Variants in AFF2 observed in about 807,000 individuals in gnomAD.
The protein encoded by AFF2 is ALF transcription elongation factor 2.
In AFF2, 14 loss-of-function variants were observed where a neutral mutation model predicts 76.9. The observed-to-expected ratio is 0.18, with a 90% CI of 0.12 to 0.28. The LOEUF is 0.28. Ranked by LOEUF, AFF2 falls within the 10% of genes least tolerant of loss-of-function variation. The probability of loss-of-function intolerance (pLI) is 1.00; values close to 1 mark genes in which losing one functional copy is unlikely to be tolerated. For missense variants in AFF2, 868 were observed against 1,001.1 expected, an observed-to-expected ratio of 0.87 and a Z score of 1.79; for synonymous variants, 398 against 366.7, an observed-to-expected ratio of 1.09 and a Z score of -0.98.
At chrX:148,673,003 T>G (rs2054441876) in intron 3 of AFF2, among the ~76,000 whole-genome samples, 1 of 111,483 alleles carries the variant, frequency 9.0e-6, no homozygotes, top group Non-Finnish European at 1.9e-5. Context: ...GAAAAATAGA[T>G]TAATTTAAAA....
chrX:148,565,694 T>C (rs2053161892), intron 1 of AFF2, among the ~76,000 whole-genome samples: 1 of 111,554 alleles, frequency 9.0e-6, no homozygotes, highest in Non-Finnish European at 1.9e-5. Flanking sequence ...CAATTATTTT[T>C]GTTTCATTGA....
intron 4 of AFF2, among the ~76,000 whole-genome samples, chrX:148,820,701 T>C (rs1411952719): frequency 8.9e-6 from 1 of 112,092 alleles, no homozygotes; most frequent in Non-Finnish European, 1.9e-5. Flanking sequence ...TCTTCTTTTT[T>C]ATATTTTCTC....
chrX:148,617,338 T>A (rs1557250616), intron 1 of AFF2, among the ~76,000 whole-genome samples: 1 of 112,571 alleles, frequency 8.9e-6, no homozygotes, highest in East Asian at 2.8e-4. Context: ...TGATGAGCAT[T>A]TTTTCATGTG....
chrX:148,573,772 T>C (rs1332907756), intron 1 of AFF2, among the ~76,000 whole-genome samples: 2 of 111,523 alleles, frequency 1.8e-5, no homozygotes, highest in Admixed American at 1.9e-4. Context: ...GCTTTACTCT[T>C]TGAAGTGAAG....
chrX:148,793,828 G>C (rs6641465), intron 3 of AFF2, among the ~76,000 whole-genome samples: 61,060 of 110,243 alleles, frequency 0.55, 14,641 homozygotes, highest in East Asian at 0.92. Flanking sequence ...AAGGTAGAAG[G>C]CTGGAGTATA....
intron 7 of AFF2, among the ~76,000 whole-genome samples, chrX:148,858,314 A>G (rs782370163): frequency 5.4e-5 from 6 of 111,527 alleles, no homozygotes; most frequent in Non-Finnish European, 1.1e-4. Context: ...TTTACATGGG[A>G]GATAAAAAGA....
At chrX:148,541,330 C>T (rs1000063840) in intron 1 of AFF2, among the ~76,000 whole-genome samples, 1 of 111,636 alleles carries the variant, frequency 9.0e-6, no homozygotes. Flanking sequence ...ATGTTTTGTT[C>T]GCCTAATTCT....
intron 4 of AFF2, among the ~76,000 whole-genome samples, chrX:148,828,334 C>T (rs1490525561): frequency 8.9e-6 from 1 of 111,840 alleles, no homozygotes; most frequent in Non-Finnish European, 1.9e-5. Flanking sequence ...ACCTTGATTC[C>T]CTTTTTGATA....
Position 148,585,733 on chromosome X carries a change from C to T in AFF2, c.48-66266C>T, listed in dbSNP as rs1292971169. Among the ~76,000 whole-genome samples the T allele has an allele frequency of 3.2e-4, 34 of 106,813 alleles. No homozygotes were observed. In the Admixed American group the frequency reaches 3.3e-3, roughly 10 times the overall value. 92.8% of individuals were successfully genotyped at this position (106,813 alleles called of 115,157 possible). ...GCAGGCGCCTGTATTCCCAGCTGCT[C>T]GGGAGGCTGAGGCAGGAGAATGGTG... On this transcript the variant is annotated intron_variant, in intron 1 of 20. Transcript: ENST00000370460.
At chrX:148,922,294 C>T (rs781871892) in intron 9 of AFF2, among the ~76,000 whole-genome samples, 1 of 112,073 alleles carries the variant, frequency 8.9e-6, no homozygotes, top group African/African-American at 3.2e-5. Flanking sequence ...AGCACCATCC[C>T]TAGAGTCAGG....
chrX:148,932,657 C>G (rs2071727465), intron 9 of AFF2, among the ~76,000 whole-genome samples: 1 of 111,597 alleles, frequency 9.0e-6, no homozygotes, highest in African/African-American at 3.3e-5. Context: ...AGATTGAGAA[C>G]ACTTGTGTGA....
At chrX:148,924,389 GT>G (rs1445037516) in intron 9 of AFF2, among the ~76,000 whole-genome samples, 2 of 111,950 alleles carry the variant, frequency 1.8e-5, no homozygotes, top group African/African-American at 6.5e-5. Flanking sequence ...GCAAACATCG[GT>G]TTTCTTTCAC....
intron 1 of AFF2, among the ~76,000 whole-genome samples, chrX:148,617,270 C>G (rs1448502555): frequency 1.8e-5 from 2 of 111,911 alleles, no homozygotes; most frequent in Non-Finnish European, 3.8e-5. Flanking sequence ...GCCATTCTAA[C>G]CGGTGTGAGA....
chrX:148,782,490 A>C (rs1341392729), intron 3 of AFF2, among the ~76,000 whole-genome samples: 4 of 112,219 alleles, frequency 3.6e-5, no homozygotes, highest in African/African-American at 1.3e-4. Context: ...AATAACAAAC[A>C]AAAAGACAAA....
intron 1 of AFF2, among the ~76,000 whole-genome samples, chrX:148,561,155 A>G (rs2053108525): frequency 8.9e-6 from 1 of 112,719 alleles, no homozygotes; most frequent in South Asian, 3.6e-4. Flanking sequence ...GTTAAAAACC[A>G]AAACATGAGT....
At chrX:148,943,611 A>G (rs2071866243) in intron 9 of AFF2, among the ~76,000 whole-genome samples, 1 of 111,976 alleles carries the variant, frequency 8.9e-6, no homozygotes, top group East Asian at 2.8e-4. Flanking sequence ...ACTTGCTTGA[A>G]AACTATCAAG....
chrX:148,611,310 A>T (rs189501372), intron 1 of AFF2, among the ~76,000 whole-genome samples: 29 of 112,314 alleles, frequency 2.6e-4, no homozygotes, highest in South Asian at 1.5e-3. Context: ...GTTGAAATTA[A>T]ACACTACATT....
intron 3 of AFF2, among the ~76,000 whole-genome samples, chrX:148,746,155 T>C (rs2055418645): frequency 8.9e-6 from 1 of 112,359 alleles, no homozygotes; most frequent in Admixed American, 9.4e-5. Flanking sequence ...AAACAGCTAC[T>C]TTATTAGTAA....
chrX:148,915,488 G>A (rs782483017), intron 9 of AFF2, among the ~76,000 whole-genome samples: 38 of 112,240 alleles, frequency 3.4e-4, no homozygotes, highest in Non-Finnish European at 4.7e-4. Flanking sequence ...TGGGTCCCAC[G>A]TACTTGGGGA....
Sources: allele counts gnomAD v4.1 joint callset (sites outside exome capture counted in the v4.1 genomes callset), GRCh38; gene constraint gnomAD v4.1.1; transcripts MANE v1.5; gene names NCBI Gene and HGNC (gene_info 2026-07-23, HGNC 2026-07-21).